Variants in ADCK1 observed in about 807,000 individuals in gnomAD.
The protein encoded by ADCK1 is aarF domain containing kinase 1.
In ADCK1, 41 loss-of-function variants were observed where a neutral mutation model predicts 52.3. The ratio of observed to expected loss-of-function variants is 0.78; its 90% CI spans 0.61 to 1.02. The LOEUF (loss-of-function observed/expected upper bound fraction) is 1.02, where lower values mean the gene tolerates loss of function less well. Ranked by LOEUF, ADCK1 falls within the 50% of genes least tolerant of loss-of-function variation. The probability of loss-of-function intolerance (pLI) is 0.00; values close to 1 mark genes in which losing one functional copy is unlikely to be tolerated. For synonymous variants in ADCK1, 250 were observed against 274.6 expected (o/e 0.91, Z 0.89); for missense variants, 658 against 679.5 (o/e 0.97, Z 0.35).
intron 7 of ADCK1, among the ~76,000 whole-genome samples, chr14:77,921,428 A>G (rs1405612574): frequency 6.6e-6 from 1 of 150,940 alleles, no homozygotes; most frequent in Non-Finnish European, 1.5e-5. Flanking sequence ...CTCATATGTG[A>G]TCCTATTTTG....
chr14:77,921,606 C>G (rs1205935373), intron 7 of ADCK1, among the ~76,000 whole-genome samples: 2 of 152,130 alleles, frequency 1.3e-5, no homozygotes, highest in African/African-American at 4.8e-5. Flanking sequence ...CCCCTCCTGT[C>G]TCTGTCTATG....
chr14:77,834,131 C>T (rs1267698842), intron 3 of ADCK1, among the ~76,000 whole-genome samples: 3 of 152,198 alleles, frequency 2.0e-5, no homozygotes, highest in African/African-American at 7.2e-5. Context: ...TATTCCCATA[C>T]ACTTCTTTAT....
intron 1 of ADCK1, among the ~76,000 whole-genome samples, chr14:77,808,649 C>T (rs1053872899): frequency 6.6e-6 from 1 of 152,170 alleles, no homozygotes; most frequent in Non-Finnish European, 1.5e-5. Context: ...GATCTCAGCT[C>T]ACTGCAACCT....
At chr14:77,877,753 T>A (rs1049242331) in intron 4 of ADCK1, among the ~76,000 whole-genome samples, 2 of 152,218 alleles carry the variant, frequency 1.3e-5, no homozygotes, top group African/African-American at 2.4e-5. Flanking sequence ...TACAGGTGTG[T>A]GCCACGATGC....
intron 3 of ADCK1, among the ~76,000 whole-genome samples, chr14:77,851,228 C>G (rs940142065): frequency 6.6e-6 from 1 of 151,466 alleles, no homozygotes; most frequent in African/African-American, 2.4e-5. Context: ...AGCAATTCTT[C>G]TGCCTCAGCT....
intron 4 of ADCK1, among the ~76,000 whole-genome samples, chr14:77,867,085 G>A (rs868549323): frequency 8.5e-5 from 13 of 152,310 alleles, no homozygotes; most frequent in Middle Eastern, 3.4e-3. Context: ...CCCCTGGAGC[G>A]CCCTGGCTGT....
Position 77,921,875 on chromosome 14 carries a change from C to T in ADCK1, c.859-2582C>T, listed in dbSNP as rs529170874. ...CAATGTAGTAATAGGGGGCCCAGAGCGATTAGCAATATTTCAGAAAGCTTA... is the reference window on the plus strand; with the variant it reads ...CAATGTAGTAATAGGGGGCCCAGAGTGATTAGCAATATTTCAGAAAGCTTA... On this transcript the variant is annotated intron_variant, in intron 7 of 10. Transcript: ENST00000238561. Among the ~76,000 whole-genome samples the T allele has an allele frequency of 2.0e-5, 3 of 152,128 alleles. No homozygotes were observed. In the East Asian group the frequency reaches 5.8e-4, roughly 29 times the overall value.
At chr14:77,853,843 C>A (rs534804968) in intron 3 of ADCK1, among the ~76,000 whole-genome samples, 9 of 152,098 alleles carry the variant, frequency 5.9e-5, no homozygotes, top group Non-Finnish European at 7.3e-5. Flanking sequence ...CTGCTCTGTC[C>A]CTTGAACTCT....
chr14:77,849,406 C>G (rs2082238034), intron 3 of ADCK1, among the ~76,000 whole-genome samples: 1 of 152,156 alleles, frequency 6.6e-6, no homozygotes. Context: ...TTTGATTCTT[C>G]TTTGCCCTAT....
intron 3 of ADCK1, among the ~76,000 whole-genome samples, chr14:77,838,553 T>A (rs2082005370): frequency 6.6e-6 from 1 of 152,128 alleles, no homozygotes; most frequent in African/African-American, 2.4e-5. Flanking sequence ...CGTGCTGCCA[T>A]GCCTGGCTAA....
chr14:77,805,987 C>CTTTT lies in ADCK1; in HGVS notation c.-12+5837_-12+5840dup, dbSNP rs530925697. On this transcript the variant is annotated intron_variant, in intron 1 of 10. Transcript: ENST00000238561. ...TCCTCCCATAATCCTATTCTTACGG[C>CTTTT]TTTTTTTTTTTTTTTTTTTTTTTAA... is the stretch of plus-strand genomic sequence containing the variant. Among the ~76,000 whole-genome samples, 161 of 87,680 alleles carry CTTTT rather than the reference C, an allele frequency of 1.8e-3. 3 individuals carry two copies. The highest frequency in any genetic ancestry group is 6.1e-3 in the African/African-American group (148 of 24,344). The allele number at this position is 87,680 out of a possible 152,430, so 57.5% of individuals were successfully genotyped here.
intron 1 of ADCK1, among the ~76,000 whole-genome samples, chr14:77,805,067 G>A (rs978694120): frequency 9.9e-5 from 15 of 151,696 alleles, no homozygotes; most frequent in African/African-American, 3.4e-4. Context: ...TTAGCCGGAC[G>A]TGGTGGCGCA....
intron 3 of ADCK1, among the ~76,000 whole-genome samples, chr14:77,844,170 A>C (rs192105590): frequency 1.3e-5 from 2 of 152,126 alleles, no homozygotes; most frequent in Admixed American, 1.3e-4. Context: ...AGGTTCAAGC[A>C]ATTGGGTTCA....
At chr14:77,875,555 G>A (rs533419820) in intron 4 of ADCK1, among the ~76,000 whole-genome samples, 1 of 152,206 alleles carries the variant, frequency 6.6e-6, no homozygotes, top group East Asian at 1.9e-4. Context: ...GTGTTTCCCT[G>A]TCACCGGGTT....
intron 3 of ADCK1, among the ~76,000 whole-genome samples, chr14:77,850,572 T>G (rs951319092): frequency 6.6e-6 from 1 of 152,214 alleles, no homozygotes; most frequent in Non-Finnish European, 1.5e-5. Flanking sequence ...ATAATATTCT[T>G]TTCTCTGAAA....
At chr14:77,880,281 G>A (rs1433740072) in intron 4 of ADCK1, among the ~76,000 whole-genome samples, 1 of 152,230 alleles carries the variant, frequency 6.6e-6, no homozygotes, top group Non-Finnish European at 1.5e-5. Flanking sequence ...TCAGCAATTG[G>A]CAAGCATTGT....
chr14:77,845,714 C>T (rs914759457), intron 3 of ADCK1, among the ~76,000 whole-genome samples: 8 of 152,048 alleles, frequency 5.3e-5, no homozygotes, highest in African/African-American at 9.7e-5. Flanking sequence ...CATGAGCCAC[C>T]GCACCTGGCC....
Position 77,859,242 on chromosome 14 carries a change from A to G in ADCK1, c.386A>G (p.Glu129Gly), listed in dbSNP as rs763844933. Residue 129 changes from glutamate to glycine, a missense_variant, in exon 4 of 11, where the codon GAG (glutamate) becomes GGG (glycine). By Grantham distance (98) the Glu-to-Gly change is moderately conservative. Coordinates refer to ENST00000238561, the MANE Select transcript of ADCK1 (RefSeq NM_020421.4). ...HSQAPQSSMQ[E>G]IRQVIREDLG... ...CAGGCTCCACAGAGCAGCATGCAAG[A>G]GATCCGCCAGGTCATCCGAGAAGAT... The G allele has an allele frequency of 1.1e-4, 173 of 1,613,790 alleles. No homozygotes were observed. Among genetic ancestry groups the G allele is most frequent in the Non-Finnish European group, 1.4e-4 (165 of 1,179,938 alleles).
chr14:77,893,067 G>A (rs887135762), intron 5 of ADCK1, among the ~76,000 whole-genome samples: 14 of 152,176 alleles, frequency 9.2e-5, no homozygotes, highest in Non-Finnish European at 1.9e-4. Context: ...AAAGAAAAAG[G>A]CAGAGCCAGG....
Sources: allele counts gnomAD v4.1 joint callset (sites outside exome capture counted in the v4.1 genomes callset), GRCh38; gene constraint gnomAD v4.1.1; transcripts MANE v1.5; gene names NCBI Gene and HGNC (gene_info 2026-07-23, HGNC 2026-07-21).